The following REPS2 variants were observed in gnomAD, a reference collection of about 807,000 sequenced individuals.
The protein encoded by REPS2 is RALBP1 associated Eps domain containing 2.
REPS2 carries 23 observed loss-of-function variants against 53.6 expected under a neutral mutation model. That is an observed-to-expected ratio of 0.43 (90% CI 0.31 to 0.61). The LOEUF (loss-of-function observed/expected upper bound fraction) is 0.61, where lower values mean the gene tolerates loss of function less well. Among genes scored for constraint, REPS2 ranks in the 20% least tolerant of loss-of-function variants. The pLI, the probability that REPS2 is intolerant of heterozygous loss-of-function variation, is 0.11. For synonymous variants in REPS2, 238 were observed against 218.6 expected (o/e 1.09, Z -0.78); for missense variants, 446 against 534.9 (o/e 0.83, Z 1.64).
chrX:17,089,665 C>CA (rs2062589496), intron 13 of REPS2, among the ~76,000 whole-genome samples: 1 of 112,369 alleles, frequency 8.9e-6, no homozygotes, highest in African/African-American at 3.2e-5. Context: ...GTTTACTTAG[C>CA]ATGATGTTTT....
intron 2 of REPS2, among the ~76,000 whole-genome samples, chrX:17,012,203 C>T: frequency 9.1e-6 from 1 of 109,702 alleles, no homozygotes; most frequent in East Asian, 2.9e-4. Flanking sequence ...CATGGTGAAA[C>T]CCCGTCTCTA....
chrX:17,001,095 A>G (rs1196547257), intron 1 of REPS2, among the ~76,000 whole-genome samples: 35 of 112,228 alleles, frequency 3.1e-4, no homozygotes, highest in Non-Finnish European at 9.4e-5. Context: ...CATGGAAAAA[A>G]TATTACCCCC....
chrX:17,045,785 GA>G (rs2061897018), intron 5 of REPS2, among the ~76,000 whole-genome samples: 1 of 110,127 alleles, frequency 9.1e-6, no homozygotes, highest in Non-Finnish European at 1.9e-5. Flanking sequence ...CTGGCCTTCC[GA>G]AAGCACCCTT....
chrX:17,005,717 G>C (rs1427187268), intron 1 of REPS2, among the ~76,000 whole-genome samples: 1 of 112,022 alleles, frequency 8.9e-6, no homozygotes, highest in Non-Finnish European at 1.9e-5. Flanking sequence ...CAACTTTTTT[G>C]TTCCTCTGAA....
intron 1 of REPS2, among the ~76,000 whole-genome samples, chrX:16,989,779 A>G (rs1446920862): frequency 1.8e-5 from 2 of 112,433 alleles, no homozygotes; most frequent in African/African-American, 6.5e-5. Flanking sequence ...AAATAGTGAC[A>G]GCATCAAATG....
intron 1 of REPS2, among the ~76,000 whole-genome samples, chrX:16,964,444 C>T (rs1215946752): frequency 2.8e-5 from 3 of 108,265 alleles, no homozygotes; most frequent in South Asian, 4.1e-4. Context: ...CACACAGTCA[C>T]GGCAACCATC....
intron 2 of REPS2, among the ~76,000 whole-genome samples, chrX:17,017,279 T>G (rs2061510820): frequency 8.9e-6 from 1 of 112,272 alleles, no homozygotes; most frequent in Non-Finnish European, 1.9e-5. Context: ...GCTCAATATA[T>G]TCTTAAAAGT....
At chrX:17,146,958 G>A (rs1484334257) in intron 17 of REPS2, among the ~76,000 whole-genome samples, 3 of 112,048 alleles carry the variant, frequency 2.7e-5, no homozygotes, top group Non-Finnish European at 3.8e-5. Flanking sequence ...GGCAACTAGC[G>A]TACCTTTTTG....
chrX:17,029,613 C>A lies in REPS2; in HGVS notation c.761C>A (p.Ser254Tyr). Residue 254 changes from serine (S) to tyrosine (Y), a missense_variant, in exon 5 of 18, where the codon TCC becomes TAC. Coordinates refer to ENST00000357277, the MANE Select transcript of REPS2 (RefSeq NM_004726.3). Reference protein sequence around the residue: ...PGTKPLRHQASLIRSFSVERE... With the variant: ...PGTKPLRHQAYLIRSFSVERE... ...ACCAAGCCCCTTCGGCATCAGGCTT[C>A]CCTTATCCGGGTAAGTGATGATGCA... is the stretch of plus-strand genomic sequence containing the variant. 4 of 1,201,453 alleles carry A rather than the reference C, an allele frequency of 3.3e-6. No homozygotes were observed. The highest frequency in any genetic ancestry group is 2.3e-6 in the Non-Finnish European group (2 of 886,365).
At chrX:17,164,921 T>C in the REPS2 span, among the ~76,000 whole-genome samples, 109 of 111,781 alleles carry the variant, frequency 9.8e-4, 1 homozygote, top group African/African-American at 3.4e-3. Flanking sequence ...CCAACCTTTA[T>C]TGAGTCAGTT....
chrX:17,170,020 C>T, the REPS2 span, among the ~76,000 whole-genome samples: 1 of 112,803 alleles, frequency 8.9e-6, no homozygotes, highest in South Asian at 3.6e-4. Flanking sequence ...TGAGTCTCCC[C>T]TTGGAGGAGA....
intron 14 of REPS2, among the ~76,000 whole-genome samples, chrX:17,132,400 C>G (rs868479915): frequency 5.3e-5 from 6 of 112,281 alleles, no homozygotes; most frequent in African/African-American, 1.9e-4. Context: ...TTTCTCCACA[C>G]CACAAGGCCT....
At chrX:16,962,618 T>C (rs1234999545) in intron 1 of REPS2, among the ~76,000 whole-genome samples, 2 of 111,422 alleles carry the variant, frequency 1.8e-5, no homozygotes, top group African/African-American at 6.5e-5. Flanking sequence ...TTAACAATAT[T>C]GTATTGTATA....
At chrX:16,998,836 G>A (rs1316140175) in intron 1 of REPS2, among the ~76,000 whole-genome samples, 1 of 112,291 alleles carries the variant, frequency 8.9e-6, no homozygotes, top group Non-Finnish European at 1.9e-5. Flanking sequence ...ACCTAGCAGT[G>A]ACACCTGCAA....
chrX:17,174,758 A>G, the REPS2 span, among the ~76,000 whole-genome samples: 2 of 112,624 alleles, frequency 1.8e-5, no homozygotes, highest in Admixed American at 9.4e-5. Context: ...CTGTGCTGGC[A>G]GGGCTGCTTT....
intron 13 of REPS2, among the ~76,000 whole-genome samples, chrX:17,102,071 A>ATGTTT (rs2062814341): frequency 1.1e-5 from 1 of 88,493 alleles, no homozygotes; most frequent in Non-Finnish European, 2.2e-5. Flanking sequence ...ATGTTATGTT[A>ATGTTT]TGTTATGTTA....
chrX:17,053,071 G>C (rs917438150), intron 7 of REPS2, among the ~76,000 whole-genome samples: 1 of 111,503 alleles, frequency 9.0e-6, no homozygotes, highest in Admixed American at 9.6e-5. Context: ...GTAAACTCTC[G>C]GCTGTGTGTG....
rs2148182401 is a variant in REPS2 at position 17,148,104 on chromosome X, A to G, written c.*623A>G. 8.9e-6 allele frequency: 1 copy of G among 112,616 alleles called. No homozygotes were observed. Among genetic ancestry groups the G allele is most frequent in the South Asian group, 3.7e-4 (1 of 2,722 alleles). The allele number at this position is 112,616 out of a possible 1,213,427, so 9.3% of individuals were successfully genotyped here. On this transcript the variant is annotated 3_prime_UTR_variant, in exon 18 of 18. Transcript: ENST00000357277. The stretch of plus-strand genomic sequence containing the variant: ...AAATAATACATGACTATCGTTTTCT[A>G]TTGAATGTCAAAGACTTACTGGGTC...
Position 17,099,920 on chromosome X carries a change from G to C in REPS2, c.1517-3798G>C, listed in dbSNP as rs1203817001. 1.8e-5 allele frequency: 20 copies of C among 1,095,681 alleles called. No individual in the cohort carries two copies. The East Asian group carries it at 5.7e-4, about 31-fold the overall frequency. 90.3% of individuals were successfully genotyped at this position (1,095,681 alleles called of 1,213,427 possible). A position where few individuals can be genotyped will look rare whatever the true frequency, so the allele number is the denominator to read the frequency against. On this transcript the variant is annotated intron_variant, in intron 13 of 17. Coordinates refer to ENST00000357277, the MANE Select transcript of REPS2 (RefSeq NM_004726.3). ...CATCAGAATTTTTCCCTTTCATCAG[G>C]AACATGAGCTCTCCACTGGAGTCTG...
Sources: allele counts gnomAD v4.1 joint callset (sites outside exome capture counted in the v4.1 genomes callset), GRCh38; gene constraint gnomAD v4.1.1; transcripts MANE v1.5; gene names NCBI Gene and HGNC (gene_info 2026-07-23, HGNC 2026-07-21).